The following DLGAP2 variants were observed in gnomAD, a reference collection of about 807,000 sequenced individuals.
The protein encoded by DLGAP2 is DLG associated protein 2.
In DLGAP2, 26 loss-of-function variants were observed where a neutral mutation model predicts 100.3. That is an observed-to-expected ratio of 0.26 (90% CI 0.19 to 0.36). The LOEUF (loss-of-function observed/expected upper bound fraction) is 0.36, where lower values mean the gene tolerates loss of function less well. Among genes scored for constraint, DLGAP2 ranks in the 10% least tolerant of loss-of-function variants. The pLI is 1.00. For missense variants in DLGAP2, 1,858 were observed against 1,453.2 expected (o/e 1.28, Z -4.53); for synonymous variants, 886 against 630.1 (o/e 1.41, Z -6.08).
intron 6 of DLGAP2, among the ~76,000 whole-genome samples, chr8:1,624,843 C>CTT (rs1251280017): frequency 6.9e-6 from 1 of 145,392 alleles, no homozygotes; most frequent in East Asian, 2.0e-4. Context: ...CCTCCCTTTG[C>CTT]TTTCTCTCTC....
At chr8:1,079,245 G>T (rs546752002) in intron 2 of DLGAP2, among the ~76,000 whole-genome samples, 1 of 152,196 alleles carries the variant, frequency 6.6e-6, no homozygotes, top group African/African-American at 2.4e-5. Flanking sequence ...TAATTGGATT[G>T]TTTTTCTTAT....
chr8:1,515,400 A>C (rs190875706), intron 4 of DLGAP2, among the ~76,000 whole-genome samples: 1 of 152,026 alleles, frequency 6.6e-6, no homozygotes, highest in Non-Finnish European at 1.5e-5. Context: ...ACACACAGGC[A>C]TGCACACAGA....
intron 3 of DLGAP2, among the ~76,000 whole-genome samples, chr8:1,313,042 G>A (rs779938658): frequency 2.0e-5 from 3 of 152,238 alleles, no homozygotes; most frequent in Non-Finnish European, 4.4e-5. Flanking sequence ...AGACGCACAT[G>A]TGCCTGCCGG....
rs144889955 is a variant in DLGAP2 at position 1,072,075 on chromosome 8, G to A, written c.73+164109G>A. 4.1e-4 allele frequency among the ~76,000 whole-genome samples: 62 copies of A among 152,328 alleles called. 2 individuals carry two copies. The highest frequency in any genetic ancestry group is 3.4e-3 in the Middle Eastern group (1 of 294). ...CAGGGAGTGGATGATCTTTGGCTCC[G>A]TCCTGCCATGAAGTCGTGCTTAGAG... is the stretch of plus-strand genomic sequence containing the variant. On this transcript the variant is annotated intron_variant, in intron 2 of 14. Coordinates refer to ENST00000637795, the MANE Select transcript of DLGAP2 (RefSeq NM_001346810.2).
intron 3 of DLGAP2, among the ~76,000 whole-genome samples, chr8:1,339,717 C>A (rs1040794812): frequency 4.6e-5 from 7 of 152,184 alleles, no homozygotes; most frequent in African/African-American, 1.7e-4. Flanking sequence ...CGAAGTCTCA[C>A]CCGGGCGCAT....
chr8:1,444,070 C>T (rs982081001), intron 3 of DLGAP2, among the ~76,000 whole-genome samples: 2 of 152,092 alleles, frequency 1.3e-5, no homozygotes, highest in African/African-American at 4.8e-5. Context: ...AAAAACCATG[C>T]TCTCCCTACA....
At chr8:1,483,873 G>A (rs1799172122) in intron 3 of DLGAP2, among the ~76,000 whole-genome samples, 2 of 152,226 alleles carry the variant, frequency 1.3e-5, no homozygotes, top group Non-Finnish European at 2.9e-5. Flanking sequence ...TCATTGATTA[G>A]TGCCTGTTAG....
At chr8:1,605,449 G>T (rs1034447887) in intron 6 of DLGAP2, among the ~76,000 whole-genome samples, 4 of 152,218 alleles carry the variant, frequency 2.6e-5, no homozygotes, top group Non-Finnish European at 4.4e-5. Flanking sequence ...GAAGGAAGCA[G>T]ATGATCACAA....
chr8:1,070,337 G>C (rs931284584), intron 2 of DLGAP2, among the ~76,000 whole-genome samples: 4 of 152,304 alleles, frequency 2.6e-5, no homozygotes, highest in African/African-American at 9.6e-5. Flanking sequence ...CCGGGTGCCT[G>C]GTGAGCAGCG....
intron 2 of DLGAP2, among the ~76,000 whole-genome samples, chr8:916,068 G>C (rs1303309982): frequency 1.1e-4 from 17 of 150,596 alleles, no homozygotes. Context: ...CTGTCCGTCA[G>C]TTCACCCGTC....
At chr8:1,362,196 G>A (rs1423881516) in intron 3 of DLGAP2, among the ~76,000 whole-genome samples, 15 of 152,126 alleles carry the variant, frequency 9.9e-5, no homozygotes, top group African/African-American at 2.7e-4. Context: ...AGGGGCGGCC[G>A]AGGTGGCAGC....
intron 5 of DLGAP2, among the ~76,000 whole-genome samples, chr8:1,558,343 C>T (rs963820396): frequency 1.3e-5 from 2 of 152,206 alleles, no homozygotes; most frequent in Non-Finnish European, 2.9e-5. Flanking sequence ...ATAGGAAAGA[C>T]AGTTCACAAC....
At chr8:1,202,419 C>G (rs1184328949) in intron 2 of DLGAP2, among the ~76,000 whole-genome samples, 3 of 151,986 alleles carry the variant, frequency 2.0e-5, no homozygotes, top group Non-Finnish European at 4.4e-5. Flanking sequence ...TGTGAGCCCT[C>G]AGGACTGTGA....
intron 2 of DLGAP2, among the ~76,000 whole-genome samples, chr8:1,096,120 G>C (rs1455513977): frequency 1.3e-5 from 2 of 152,206 alleles, no homozygotes; most frequent in Admixed American, 6.5e-5. Flanking sequence ...ACACAAGTGT[G>C]TAAACGTGTT....
intron 3 of DLGAP2, among the ~76,000 whole-genome samples, chr8:1,496,311 C>T (rs535973934): frequency 2.6e-5 from 4 of 152,156 alleles, no homozygotes; most frequent in East Asian, 1.9e-4. Context: ...CTCGTGGGGG[C>T]GCCGAGAGGA....
intron 1 of DLGAP2, among the ~76,000 whole-genome samples, chr8:841,295 A>G (rs1466763471): frequency 6.6e-6 from 1 of 152,218 alleles, no homozygotes; most frequent in African/African-American, 2.4e-5. Flanking sequence ...ATCTCAGTGC[A>G]TTGTGATGGT....
At chr8:1,200,719 T>G (rs1196787556) in intron 2 of DLGAP2, among the ~76,000 whole-genome samples, 1 of 151,582 alleles carries the variant, frequency 6.6e-6, no homozygotes, top group East Asian at 1.9e-4. Flanking sequence ...TAGAGACACG[T>G]TGAAATCAGC....
chr8:993,781 G>T (rs1161891052), intron 2 of DLGAP2, among the ~76,000 whole-genome samples: 5 of 124,650 alleles, frequency 4.0e-5, no homozygotes, highest in Non-Finnish European at 8.1e-5. Flanking sequence ...CAAGCAAACT[G>T]ATTGGCTTTT....
intron 2 of DLGAP2, among the ~76,000 whole-genome samples, chr8:1,060,565 C>A (rs1455672870): frequency 6.6e-6 from 1 of 152,192 alleles, no homozygotes; most frequent in African/African-American, 2.4e-5. Context: ...TTAGGGCCTG[C>A]TCTAATCCAG....
Sources: gnomAD v4.1 joint callset for allele counts (sites outside exome capture counted in the v4.1 genomes callset) on GRCh38, gnomAD v4.1.1 for gene constraint, MANE v1.5 for transcripts, NCBI Gene and HGNC (gene_info 2026-07-23, HGNC 2026-07-21) for gene names.